Variants in BCR observed in about 807,000 individuals in gnomAD.
BCR encodes BCR activator of RhoGEF and GTPase.
BCR carries 58 observed loss-of-function variants against 138.6 expected under a neutral mutation model. That is an observed-to-expected ratio of 0.42 (90% CI 0.34 to 0.52). BCR has a LOEUF of 0.52. Among genes scored for constraint, BCR ranks in the 20% least tolerant of loss-of-function variants. The probability of loss-of-function intolerance (pLI) is 0.06; values close to 1 mark genes in which losing one functional copy is unlikely to be tolerated. For missense variants in BCR, 1,599 were observed against 1,727.2 expected (o/e 0.93, Z 1.32); for synonymous variants, 786 against 730.1 (o/e 1.08, Z -1.23).
rs1006055814 is a variant in BCR, at chr22:23,309,592, A to G, written c.3072+109A>G. The G allele has an allele frequency of 1.4e-5, 12 of 834,874 alleles. No individual in the cohort carries two copies. In the African/African-American group the frequency reaches 1.5e-4, roughly 11 times the overall value. The allele number at this position is 834,874 out of a possible 1,614,324, so 51.7% of individuals were successfully genotyped here. On this transcript the variant is annotated intron_variant, in intron 17 of 22. Coordinates refer to ENST00000305877, the MANE Select transcript of BCR (RefSeq NM_004327.4). Reference sequence around the variant, plus strand: ...GGCTGAGCCTGAGGCAGCATCTGAGAGGGAGCCTGGTTGGAGAAGGGAGGG... The same window carrying G: ...GGCTGAGCCTGAGGCAGCATCTGAGGGGGAGCCTGGTTGGAGAAGGGAGGG...
intron 2 of BCR, among the ~76,000 whole-genome samples, chr22:23,259,111 A>G (rs1393230033): frequency 6.6e-6 from 1 of 152,274 alleles, no homozygotes; most frequent in Non-Finnish European, 1.5e-5. Flanking sequence ...CCAGGAAGTC[A>G]GGTGGCGATT....
chr22:23,283,321 G>A (rs1284234927), intron 8 of BCR: 2 of 152,254 alleles, frequency 1.3e-5, no homozygotes, highest in East Asian at 3.9e-4. Context: ...GTCTAGTTGG[G>A]AGGACTAGGA....
In BCR at chr22:23,213,163, G is replaced by A. The variant is rs374940915; in HGVS notation, c.1279+30924G>A. Among the ~76,000 whole-genome samples the A allele has an allele frequency of 9.9e-5, 15 of 152,280 alleles. No individual in the cohort carries two copies. The East Asian group carries it at 2.3e-3, about 24-fold the overall frequency. On this transcript the variant is annotated intron_variant, in intron 1 of 22. Coordinates refer to ENST00000305877, the MANE Select transcript of BCR (RefSeq NM_004327.4). ...GTCTGGCTCTCAGGAAAGCCTTCCC[G>A]GAGAGGATGTGGCTGACCCCTGCAG...
chr22:23,183,819 A>C (rs2146192573), intron 1 of BCR, among the ~76,000 whole-genome samples: 1 of 152,356 alleles, frequency 6.6e-6, no homozygotes, highest in East Asian at 1.9e-4. Context: ...CCTTGGGCCC[A>C]GCCTTTCCTA....
intron 1 of BCR, among the ~76,000 whole-genome samples, chr22:23,190,322 C>G (rs1307461824): frequency 6.6e-6 from 1 of 152,150 alleles, no homozygotes; most frequent in Non-Finnish European, 1.5e-5. Flanking sequence ...TGCCTGCCAA[C>G]ACACCTGGGT....
At chr22:23,293,555 A>G (rs1406654219) in intron 15 of BCR, among the ~76,000 whole-genome samples, 1 of 152,106 alleles carries the variant, frequency 6.6e-6, no homozygotes, top group East Asian at 1.9e-4. Flanking sequence ...AGCTGTGATG[A>G]GAGGGGGTAT....
chr22:23,223,807 T>TGG (rs111953310), intron 1 of BCR, among the ~76,000 whole-genome samples: 57 of 152,292 alleles, frequency 3.7e-4, no homozygotes, highest in African/African-American at 1.4e-3. Flanking sequence ...CCATTGACAG[T>TGG]GGGGGGCTTT....
chr22:23,289,164 C>T (rs11912632), intron 12 of BCR, among the ~76,000 whole-genome samples: 37,325 of 152,226 alleles, frequency 0.25, 5,102 homozygotes, highest in African/African-American at 0.33. Flanking sequence ...TAGCAGAGGA[C>T]GGGCAGAGCC....
intron 1 of BCR, among the ~76,000 whole-genome samples, chr22:23,184,731 T>C (rs1269231336): frequency 6.6e-6 from 1 of 152,226 alleles, no homozygotes; most frequent in African/African-American, 2.4e-5. Context: ...AAACTCCTGC[T>C]TCTTTTAGCC....
Position 23,305,113 on chromosome 22 carries a change from TAA to T in BCR, c.3013-4295_3013-4294del, listed in dbSNP as rs131687. On this transcript the variant is annotated intron_variant, in intron 16 of 22. Transcript: ENST00000305877. Reference sequence around the variant, plus strand: ...TGGGCAACAGAGTGAGACTCCGCCTTAAAAAAAAAAAAAAAAAGGTGCAGGAT... The same window carrying T: ...TGGGCAACAGAGTGAGACTCCGCCTTAAAAAAAAAAAAAAAGGTGCAGGAT... 2.3e-3 allele frequency among the ~76,000 whole-genome samples: 319 copies of T among 141,330 alleles called. 1 individual carries two copies. In the South Asian group the frequency reaches 0.025, roughly 11 times the overall value. The allele number at this position is 141,330 out of a possible 152,430, so 92.7% of individuals were successfully genotyped here.
chr22:23,299,311 TTCTC>T (rs2073879061), intron 16 of BCR, among the ~76,000 whole-genome samples: 1 of 152,160 alleles, frequency 6.6e-6, no homozygotes, highest in Non-Finnish European at 1.5e-5. Context: ...CTACGTAAGT[TTCTC>T]TCCTATGGGC....
At chr22:23,190,689 A>G (rs1443371647) in intron 1 of BCR, among the ~76,000 whole-genome samples, 1 of 152,158 alleles carries the variant, frequency 6.6e-6, no homozygotes, top group African/African-American at 2.4e-5. Context: ...GCTGCCAGGC[A>G]GAGGGAGATG....
At position 23,262,239 on chromosome 22, in the gene BCR, A is replaced by G. The variant is rs528444004; in HGVS notation, c.1752+699A>G. On this transcript the variant is annotated intron_variant, in intron 4 of 22. Coordinates refer to ENST00000305877, the MANE Select transcript of BCR (RefSeq NM_004327.4). ...GCCAGGCCCCCCTCTAAGTGTGAAG[A>G]GCATGTGATTCCTTAAAAGCCCTTC... Among the ~76,000 whole-genome samples, 7 of 152,258 alleles carry G rather than the reference A, an allele frequency of 4.6e-5. No individual in the cohort carries two copies. The East Asian group carries it at 1.4e-3, about 29-fold the overall frequency.
intron 22 of BCR, 90 bp downstream of exon 22, chr22:23,314,804 C>T (rs1251548668): frequency 2.7e-6 from 4 of 1,493,802 alleles, no homozygotes; most frequent in Non-Finnish European, 3.7e-6. Flanking sequence ...CATCTTCTTA[C>T]TTGCATTGTA....
chr22:23,220,329 G>A (rs1245493123), intron 1 of BCR, among the ~76,000 whole-genome samples: 1 of 152,216 alleles, frequency 6.6e-6, no homozygotes, highest in African/African-American at 2.4e-5. Context: ...GGGAGGAGGG[G>A]TGAATGACTT....
In BCR at chr22:23,246,545, C is replaced by T. The variant is rs144551165; in HGVS notation, c.1280-7254C>T. Among the ~76,000 whole-genome samples the T allele has an allele frequency of 2.3e-3, 351 of 152,312 alleles. 3 individuals are homozygous for T. Among genetic ancestry groups the T allele is most frequent in the African/African-American group, 8.1e-3 (335 of 41,552 alleles). Reference sequence around the variant, plus strand: ...CTAAGTCGTAAGGTTATCAATGCCACATCTTAGAAATGCCTTCTCTTTGGA... The same window carrying T: ...CTAAGTCGTAAGGTTATCAATGCCATATCTTAGAAATGCCTTCTCTTTGGA... On this transcript the variant is annotated intron_variant, in intron 1 of 22. Coordinates refer to ENST00000305877, the MANE Select transcript of BCR (RefSeq NM_004327.4).
intron 16 of BCR, among the ~76,000 whole-genome samples, chr22:23,297,221 G>GTTTTTTTT (rs796682596): frequency 8.7e-6 from 1 of 114,894 alleles, no homozygotes; most frequent in Non-Finnish European, 1.7e-5. Flanking sequence ...TTTGTTTTTT[G>GTTTTTTTT]TTTTTTTTTT....
chr22:23,200,376 A>G (rs1434340700), intron 1 of BCR, among the ~76,000 whole-genome samples: 1 of 151,742 alleles, frequency 6.6e-6, no homozygotes, highest in Non-Finnish European at 1.5e-5. Flanking sequence ...GTGCAGTGGC[A>G]CACTCACAAC....
At chr22:23,295,356 G>A (rs561860276) in intron 16 of BCR, among the ~76,000 whole-genome samples, 16 of 152,278 alleles carry the variant, frequency 1.1e-4, no homozygotes, top group African/African-American at 3.1e-4. Context: ...CCCTCTGTCT[G>A]CGTGTCTGTT....
Sources: allele counts gnomAD v4.1 joint callset (sites outside exome capture counted in the v4.1 genomes callset), GRCh38; gene constraint gnomAD v4.1.1; transcripts MANE v1.5; gene names NCBI Gene and HGNC (gene_info 2026-07-23, HGNC 2026-07-21).